The following SLC35F1 variants were observed in gnomAD, a reference collection of about 807,000 sequenced individuals.
SLC35F1 encodes chromosome 6 open reading frame 169.
In SLC35F1, 14 loss-of-function variants were observed where a neutral mutation model predicts 48.7. The ratio of observed to expected loss-of-function variants is 0.29; its 90% CI spans 0.19 to 0.45. The LOEUF is 0.45. Ranked by LOEUF, SLC35F1 falls within the 20% of genes least tolerant of loss-of-function variation. The probability of loss-of-function intolerance (pLI) is 1.00; values close to 1 mark genes in which losing one functional copy is unlikely to be tolerated. For synonymous variants in SLC35F1, 190 were observed against 202.2 expected (o/e 0.94, Z 0.51); for missense variants, 404 against 500.0 (o/e 0.81, Z 1.83).
chr6:117,970,320 G>C (rs1459353143), intron 1 of SLC35F1, among the ~76,000 whole-genome samples: 1 of 152,208 alleles, frequency 6.6e-6, no homozygotes, highest in African/African-American at 2.4e-5. Flanking sequence ...CCACAATGCA[G>C]CTACCAGGTA....
At chr6:118,228,073 T>A (rs978771187) in intron 2 of SLC35F1, among the ~76,000 whole-genome samples, 1 of 152,186 alleles carries the variant, frequency 6.6e-6, no homozygotes, top group Non-Finnish European at 1.5e-5. Flanking sequence ...GTCCGTTTGT[T>A]ACTAAGCCAA....
chr6:118,191,409 T>C (rs976567859), intron 2 of SLC35F1, among the ~76,000 whole-genome samples: 36 of 151,926 alleles, frequency 2.4e-4, no homozygotes, highest in African/African-American at 8.2e-4. Flanking sequence ...TAGATAAGAG[T>C]CTCATGATTG....
intron 2 of SLC35F1, among the ~76,000 whole-genome samples, chr6:118,214,169 G>T (rs1775042895): frequency 6.6e-6 from 1 of 152,002 alleles, no homozygotes; most frequent in African/African-American, 2.4e-5. Flanking sequence ...GATACTGTCT[G>T]GTACCATAGT....
chr6:118,068,789 G>A (rs1199932407), intron 1 of SLC35F1, among the ~76,000 whole-genome samples: 1 of 152,168 alleles, frequency 6.6e-6, no homozygotes, highest in African/African-American at 2.4e-5. Flanking sequence ...GTTTTGTGAG[G>A]TTGGTGTTGA....
At chr6:118,104,468 A>G (rs145053192) in intron 1 of SLC35F1, among the ~76,000 whole-genome samples, 273 of 152,348 alleles carry the variant, frequency 1.8e-3, no homozygotes, top group African/African-American at 6.3e-3. Context: ...TGACAAACAC[A>G]GTAAATGCTC....
chr6:118,211,093 C>T (rs1774996088), intron 2 of SLC35F1, among the ~76,000 whole-genome samples: 1 of 152,170 alleles, frequency 6.6e-6, no homozygotes, highest in African/African-American at 2.4e-5. Context: ...GGACAGCCAT[C>T]TACAAGCCAA....
chr6:118,064,430 C>CCAAACCACA, intron 1 of SLC35F1, among the ~76,000 whole-genome samples: 1 of 152,140 alleles, frequency 6.6e-6, no homozygotes, highest in East Asian at 1.9e-4. Flanking sequence ...ATTTTAGGTT[C>CCAAACCACA]CAAACCACAG....
At chr6:118,226,987 A>T (rs58826473) in intron 2 of SLC35F1, among the ~76,000 whole-genome samples, 45,601 of 151,788 alleles carry the variant, frequency 0.3, 7,923 homozygotes, top group East Asian at 0.65. Context: ...ATCAATAAAT[A>T]AATTAATTAA....
rs553012339 is a variant in SLC35F1 at position 117,918,234 on chromosome 6, T to G, written c.173+10335T>G. Reference sequence around the variant, plus strand: ...AAGGAGAGTCTTTTAATGGGAGAGATAATACAACAGGTCTGTGTGCTTATG... The same window carrying G: ...AAGGAGAGTCTTTTAATGGGAGAGAGAATACAACAGGTCTGTGTGCTTATG... On this transcript the variant is annotated intron_variant, in intron 1 of 7. Coordinates refer to ENST00000360388, the MANE Select transcript of SLC35F1 (RefSeq NM_001029858.4). 2.0e-5 allele frequency among the ~76,000 whole-genome samples: 3 copies of G among 151,546 alleles called. No homozygotes were observed. In the East Asian group the frequency reaches 5.9e-4, roughly 30 times the overall value.
At chr6:117,965,901 C>A (rs1582589532) in intron 1 of SLC35F1, among the ~76,000 whole-genome samples, 1 of 151,766 alleles carries the variant, frequency 6.6e-6, no homozygotes, top group South Asian at 2.1e-4. Context: ...GGTAGGGGAC[C>A]TGGAGAACTT....
At chr6:118,249,325 T>A (rs997690401) in intron 3 of SLC35F1, among the ~76,000 whole-genome samples, 27 of 152,310 alleles carry the variant, frequency 1.8e-4, no homozygotes, top group African/African-American at 6.5e-4. Flanking sequence ...CAGGAGCTGT[T>A]CCTTCTTTGT....
At chr6:118,029,831 T>TAC (rs1187158669) in intron 1 of SLC35F1, among the ~76,000 whole-genome samples, 1 of 152,224 alleles carries the variant, frequency 6.6e-6, no homozygotes, top group African/African-American at 2.4e-5. Flanking sequence ...TAATGTGAAT[T>TAC]ACTAAGCCCT....
chr6:118,094,689 C>T (rs1773123508), intron 1 of SLC35F1, among the ~76,000 whole-genome samples: 1 of 151,950 alleles, frequency 6.6e-6, no homozygotes, highest in Non-Finnish European at 1.5e-5. Flanking sequence ...GGACTGAGGC[C>T]CCATGTGGTG....
intron 4 of SLC35F1, among the ~76,000 whole-genome samples, chr6:118,269,788 C>A (rs1212449095): frequency 6.6e-6 from 1 of 152,060 alleles, no homozygotes; most frequent in Non-Finnish European, 1.5e-5. Flanking sequence ...GAAATCCCAA[C>A]GACTCAAGAG....
At chr6:118,065,580 T>A (rs950147658) in intron 1 of SLC35F1, among the ~76,000 whole-genome samples, 4 of 152,170 alleles carry the variant, frequency 2.6e-5, no homozygotes, top group African/African-American at 7.2e-5. Context: ...TCAATTTTTT[T>A]AAAAGCTGCA....
At chr6:117,911,446 C>T (rs1775762832) in intron 1 of SLC35F1, among the ~76,000 whole-genome samples, 3 of 122,490 alleles carry the variant, frequency 2.4e-5, no homozygotes, top group Admixed American at 9.8e-5. Context: ...TTCCTTCCTT[C>T]CATCCTTCTG....
chr6:118,234,353 C>A (rs1210534144), intron 2 of SLC35F1, among the ~76,000 whole-genome samples: 1 of 152,178 alleles, frequency 6.6e-6, no homozygotes, highest in Non-Finnish European at 1.5e-5. Context: ...TATCTTCCAT[C>A]TTTGGTGTTC....
intron 1 of SLC35F1, among the ~76,000 whole-genome samples, chr6:118,070,075 GC>G (rs1374003568): frequency 1.4e-5 from 2 of 145,006 alleles, no homozygotes; most frequent in African/African-American, 5.1e-5. Context: ...AGCGGAGCTT[GC>G]AGTGAGCCGA....
At chr6:117,985,842 T>G (rs1179078228) in intron 1 of SLC35F1, among the ~76,000 whole-genome samples, 1 of 152,236 alleles carries the variant, frequency 6.6e-6, no homozygotes, top group Non-Finnish European at 1.5e-5. Context: ...TGTCTTAAAG[T>G]TAGGCCTCCT....
Sources: allele counts gnomAD v4.1 joint callset (sites outside exome capture counted in the v4.1 genomes callset), GRCh38; gene constraint gnomAD v4.1.1; transcripts MANE v1.5; gene names NCBI Gene and HGNC (gene_info 2026-07-23, HGNC 2026-07-21).